Variants in DIAPH3 observed in about 807,000 individuals in gnomAD.
The protein encoded by DIAPH3 is protein diaphanous homolog 3.
In DIAPH3, 117 loss-of-function variants were observed where a neutral mutation model predicts 144.3. The ratio of observed to expected loss-of-function variants is 0.81; its 90% CI spans 0.70 to 0.95. DIAPH3 has a LOEUF of 0.95. Among genes scored for constraint, DIAPH3 ranks in the 40% least tolerant of loss-of-function variants. The pLI, the probability that DIAPH3 is intolerant of heterozygous loss-of-function variation, is 0.00. For missense variants in DIAPH3, 1,421 were observed against 1,412.7 expected (o/e 1.01, Z -0.09); for synonymous variants, 519 against 488.9 (o/e 1.06, Z -0.81).
intron 25 of DIAPH3, among the ~76,000 whole-genome samples, chr13:59,810,203 A>G (rs1006920006): frequency 2.0e-5 from 3 of 152,018 alleles, no homozygotes; most frequent in Admixed American, 6.6e-5. Context: ...TCTGTCTCCC[A>G]GGCTGGAGTG....
Position 59,798,173 on chromosome 13 carries a change from T to C in DIAPH3, c.3163+12615A>G, listed in dbSNP as rs141528414. The stretch of plus-strand genomic sequence containing the variant: ...GTCTTCTCTTTTCAGTGCATCCTAG[T>C]TCAGGTCTTCTACATTTATCTCTTG... On this transcript the variant is annotated intron_variant, in intron 25 of 27. Transcript: ENST00000400324. Among the ~76,000 whole-genome samples, 486 of 152,296 alleles carry C rather than the reference T, an allele frequency of 3.2e-3. 2 individuals carry two copies. The highest frequency in any genetic ancestry group is 3.6e-3 in the Non-Finnish European group (245 of 68,020).
At chr13:59,971,252 A>G (rs1566591888) in intron 15 of DIAPH3, 92 bp from the exon 16 acceptor site, 1 of 1,231,778 alleles carries the variant, frequency 8.1e-7, no homozygotes, top group Non-Finnish European at 1.1e-6. Flanking sequence ...ATTCATTTAA[A>G]CCAAAAATAA....
rs758817849 is a variant in DIAPH3, at chr13:59,971,022, GA to G, written c.1788del (p.Pro597LeufsTer38). ...GVPPPPPPPP[P>X]PPLPGMRMPF... Reference sequence around the variant, plus strand: ...GGCATCCGCATTCCTGGAAGTGGAGGAGGTGGTGGGGGAGGAGGTGGAGGCG... The same window carrying G: ...GGCATCCGCATTCCTGGAAGTGGAGGGGTGGTGGGGGAGGAGGTGGAGGCG... On this transcript the variant is annotated frameshift_variant, in exon 16 of 28. Transcript: ENST00000400324. LOFTEE classifies it high-confidence loss of function. The G allele has an allele frequency of 6.2e-7, 1 of 1,612,062 alleles. No individual in the cohort carries two copies. The highest frequency in any genetic ancestry group is 8.5e-7 in the Non-Finnish European group (1 of 1,178,918).
chr13:59,781,745 C>A (rs2038751899), intron 25 of DIAPH3, among the ~76,000 whole-genome samples: 1 of 152,132 alleles, frequency 6.6e-6, no homozygotes, highest in Non-Finnish European at 1.5e-5. Flanking sequence ...AATCTAGAAA[C>A]AACAAGATTG....
At chr13:59,943,415 G>A (rs1350215995) in intron 17 of DIAPH3, among the ~76,000 whole-genome samples, 2 of 152,116 alleles carry the variant, frequency 1.3e-5, no homozygotes, top group Admixed American at 1.3e-4. Context: ...CAGACACACA[G>A]GACCAAGAAA....
At position 59,942,009 on chromosome 13, in the gene DIAPH3, C is replaced by T. The variant is rs1424771734; in HGVS notation, c.2075-17139G>A. Among the ~76,000 whole-genome samples the T allele has an allele frequency of 4.6e-5, 7 of 152,056 alleles. No individual in the cohort carries two copies. The South Asian group carries it at 1.5e-3, about 32-fold the overall frequency. On this transcript the variant is annotated intron_variant, in intron 17 of 27. Coordinates refer to ENST00000400324, the MANE Select transcript of DIAPH3 (RefSeq NM_001042517.2). ...TACTTAGCTCTTTTGGCTTAGTTTC[C>T]CAAATACTCATAATGATTTCTCAGC...
chr13:59,743,238 A>T (rs2036549130), intron 27 of DIAPH3, among the ~76,000 whole-genome samples: 1 of 152,226 alleles, frequency 6.6e-6, no homozygotes, highest in Non-Finnish European at 1.5e-5. Context: ...AATGATTGGG[A>T]TGTTACTGCA....
intron 27 of DIAPH3, among the ~76,000 whole-genome samples, chr13:59,678,282 T>G (rs1593559147): frequency 6.6e-6 from 1 of 152,278 alleles, no homozygotes; most frequent in East Asian, 1.9e-4. Context: ...TCTTAAACTA[T>G]TTCTAAAATT....
chr13:59,895,447 A>C (rs1477480682), intron 20 of DIAPH3, among the ~76,000 whole-genome samples: 1 of 150,382 alleles, frequency 6.6e-6, no homozygotes, highest in East Asian at 1.9e-4. Flanking sequence ...AAAAAAACAA[A>C]AAAAAAACAC....
At chr13:60,128,337 T>C (rs2059044698) in intron 2 of DIAPH3, among the ~76,000 whole-genome samples, 1 of 152,220 alleles carries the variant, frequency 6.6e-6, no homozygotes, top group Non-Finnish European at 1.5e-5. Context: ...TGATTCCATG[T>C]CTTTGCTATT....
At chr13:59,855,515 A>T (rs340212) in intron 22 of DIAPH3, among the ~76,000 whole-genome samples, 103,569 of 151,792 alleles carry the variant, frequency 0.68, 37,056 homozygotes, top group East Asian at 0.89. Context: ...ACTAAATATA[A>T]ATGTAAAGTA....
rs539973972 is a variant in DIAPH3, at chr13:59,787,876, T to C, written c.3164-13053A>G. Among the ~76,000 whole-genome samples the C allele has an allele frequency of 2.6e-5, 4 of 152,308 alleles. No homozygotes were observed. In the South Asian group the frequency reaches 8.3e-4, roughly 32 times the overall value. ...CCTTTGTTAATGAGATTAGTGCTTT[T>C]ATAAAAGGGATTCTAGAGAGCTGCC... On this transcript the variant is annotated intron_variant, in intron 25 of 27. Transcript: ENST00000400324.
Position 59,906,839 on chromosome 13 carries a change from ATCT to A in DIAPH3, c.2367+4893_2367+4895del, listed in dbSNP as rs370833215. Among the ~76,000 whole-genome samples, 500 of 152,308 alleles carry A rather than the reference ATCT, an allele frequency of 3.3e-3. 2 individuals are homozygous for A. The highest frequency in any genetic ancestry group is 0.011 in the African/African-American group (460 of 41,570). ...TAGGCCTCTTTCCAAACTTCAGCTA[ATCT>A]TCTGATCCCACTGAATATTTACATA... is the stretch of plus-strand genomic sequence containing the variant. On this transcript the variant is annotated intron_variant, in intron 20 of 27. Transcript: ENST00000400324.
chr13:59,775,754 G>C (rs2139290140), intron 25 of DIAPH3, among the ~76,000 whole-genome samples: 1 of 152,086 alleles, frequency 6.6e-6, no homozygotes, highest in South Asian at 2.1e-4. Flanking sequence ...TCTATAATGA[G>C]AAATAAATCA....
At chr13:60,042,510 C>T (rs2055753420) in intron 5 of DIAPH3, among the ~76,000 whole-genome samples, 180 bp downstream of exon 5, 1 of 152,150 alleles carries the variant, frequency 6.6e-6, no homozygotes, top group African/African-American at 2.4e-5. Flanking sequence ...CAATGTACCA[C>T]TCAGTAATAA....
chr13:60,034,835 AT>A (rs921764006), intron 5 of DIAPH3: 1 of 152,172 alleles, frequency 6.6e-6, no homozygotes, highest in African/African-American at 2.4e-5. Context: ...TACAAAATCT[AT>A]TTTTTAATAG....
intron 27 of DIAPH3, among the ~76,000 whole-genome samples, chr13:59,763,274 A>T (rs528578699): frequency 6.7e-6 from 1 of 148,350 alleles, no homozygotes; most frequent in African/African-American, 2.5e-5. Flanking sequence ...ATGTACACAT[A>T]TATACATATA....
chr13:59,992,651 T>G, intron 9 of DIAPH3, 68 bp from the exon 10 acceptor site: 1 of 1,243,952 alleles, frequency 8.0e-7, no homozygotes, highest in Non-Finnish European at 1.2e-6. Context: ...AAACGTAAAC[T>G]TCAAGGTTTT....
chr13:60,121,429 A>G (rs906112573), intron 2 of DIAPH3, among the ~76,000 whole-genome samples: 1 of 152,188 alleles, frequency 6.6e-6, no homozygotes, highest in Admixed American at 6.5e-5. Context: ...GAAAAGGAGA[A>G]AGTAACTCAA....
Sources: allele counts gnomAD v4.1 joint callset (sites outside exome capture counted in the v4.1 genomes callset), GRCh38; gene constraint gnomAD v4.1.1; transcripts MANE v1.5; gene names NCBI Gene and HGNC (gene_info 2026-07-23, HGNC 2026-07-21).